Variants in NOX5 observed in about 807,000 individuals in gnomAD.
NOX5 encodes NADPH oxidase, EF-hand calcium binding domain 5.
NOX5 carries 76 observed loss-of-function variants against 85.7 expected under a neutral mutation model. The ratio of observed to expected loss-of-function variants is 0.89; its 90% CI spans 0.74 to 1.07. The LOEUF (loss-of-function observed/expected upper bound fraction) is 1.07, where lower values mean the gene tolerates loss of function less well. Ranked by LOEUF, NOX5 falls within the 50% of genes least tolerant of loss-of-function variation. The pLI, the probability that NOX5 is intolerant of heterozygous loss-of-function variation, is 0.00. For synonymous variants in NOX5, 405 were observed against 401.4 expected (o/e 1.01, Z -0.11); for missense variants, 973 against 999.5 (o/e 0.97, Z 0.36).
intron 1 of NOX5, chr15:69,022,172 A>T (rs2050303254): frequency 1.2e-5 from 2 of 162,340 alleles, no homozygotes. Context: ...GTGAGTAAAT[A>T]GTGAAAGCCA....
intron 7 of NOX5, among the ~76,000 whole-genome samples, chr15:69,036,312 G>A (rs1040606355): frequency 1.3e-5 from 2 of 152,090 alleles, no homozygotes; most frequent in South Asian, 2.1e-4. Flanking sequence ...AAATGGAGGT[G>A]TAATTCTCTA....
chr15:69,038,725 G>T (rs1249690384), intron 8 of NOX5, 132 bp from the exon 9 acceptor site: 5 of 1,275,166 alleles, frequency 3.9e-6, no homozygotes, highest in Non-Finnish European at 5.6e-6. Flanking sequence ...CAGAAGCACA[G>T]AAGAGTGTCA....
Position 69,056,788 on chromosome 15 carries a change from AC to A in NOX5, c.*95del. Reference sequence around the variant, plus strand: ...CCCCCACAGGGACCAGCCTCAGATGACCCACCCAATAAGACAAAGCCTAGGG... The same window carrying A: ...CCCCCACAGGGACCAGCCTCAGATGACCACCCAATAAGACAAAGCCTAGGG... On this transcript the variant is annotated 3_prime_UTR_variant, in exon 16 of 16. Coordinates refer to ENST00000388866, the MANE Select transcript of NOX5 (RefSeq NM_024505.4). The A allele has an allele frequency of 6.7e-7, 1 of 1,497,738 alleles. No homozygotes were observed. The highest frequency in any genetic ancestry group is 9.0e-7 in the Non-Finnish European group (1 of 1,111,498). 92.8% of individuals were successfully genotyped at this position (1,497,738 alleles called of 1,614,324 possible).
intron 9 of NOX5, 144 bp from the exon 10 acceptor site, chr15:69,042,519 T>C: frequency 1.3e-6 from 1 of 789,032 alleles, no homozygotes; most frequent in Admixed American, 2.9e-5. Context: ...TGGCTATGGC[T>C]GCTAGTCTGG....
Position 69,033,119 on chromosome 15 carries a change from C to T in NOX5, c.697C>T (p.His233Tyr). The T allele has an allele frequency of 6.4e-7, 1 of 1,560,216 alleles. No individual in the cohort carries two copies. The highest frequency in any genetic ancestry group is 8.6e-7 in the Non-Finnish European group (1 of 1,159,136). Reference protein sequence around the residue: ...RPRQLTRAYWHNHRSQLFCLA... With the variant: ...RPRQLTRAYWYNHRSQLFCLA... Reference sequence around the variant, plus strand: ...GCGCCAGCTGACCCGCGCCTACTGGCACAACCACCGCAGCCAGCTGTTCTG... The same window carrying T: ...GCGCCAGCTGACCCGCGCCTACTGGTACAACCACCGCAGCCAGCTGTTCTG... The change falls in exon 5 of 16, where the codon CAC (histidine) becomes TAC (tyrosine). Residue 233 changes from histidine (H) to tyrosine (Y), a missense_variant. Physicochemically the swap from His to Tyr is moderately conservative, Grantham distance 83. Transcript: ENST00000388866.
chr15:69,034,577 A>C (rs1337793343), intron 5 of NOX5, among the ~76,000 whole-genome samples: 2 of 152,332 alleles, frequency 1.3e-5, no homozygotes, highest in African/African-American at 4.8e-5. Context: ...GTAACCTACA[A>C]GTCCACATCC....
At chr15:69,022,231 T>A (rs2140247455) in intron 1 of NOX5, 1 of 199,944 alleles carries the variant, frequency 5.0e-6, no homozygotes, top group East Asian at 1.2e-4. Context: ...ACTCTCCAGA[T>A]GTCTTCCAAT....
rs143249052 is a variant in NOX5 at position 69,045,225 on chromosome 15, G to A, written c.1648-1597G>A. ...TGCCTGCTACCTTCCTAACTTTTGC[G>A]TAAGAACTGCCCCAGTAATACTTTC... On this transcript the variant is annotated intron_variant, in intron 10 of 15. Coordinates refer to ENST00000388866, the MANE Select transcript of NOX5 (RefSeq NM_024505.4). 1.9e-3 allele frequency among the ~76,000 whole-genome samples: 290 copies of A among 152,288 alleles called. 4 individuals carry two copies. The highest frequency in any genetic ancestry group is 6.3e-3 in the African/African-American group (262 of 41,560).
rs937060901 is a variant in NOX5, at chr15:69,060,396, T to TTGCC, written c.*3702_*3705dup. 6.6e-5 allele frequency: 10 copies of TTGCC among 152,368 alleles called. No homozygotes were observed. Among genetic ancestry groups the TTGCC allele is most frequent in the African/African-American group, 2.4e-4 (10 of 41,586 alleles). 9.4% of individuals were successfully genotyped at this position (152,368 alleles called of 1,614,324 possible). On this transcript the variant is annotated 3_prime_UTR_variant, in exon 16 of 16. Coordinates refer to ENST00000388866, the MANE Select transcript of NOX5 (RefSeq NM_024505.4). ...GGAGGCAGGGCACTGAGTCCTACAC[T>TTGCC]TGCCTCTGCCACAGTCTGCTGTGTG...
chr15:69,032,111 A>T (rs2050443253), intron 4 of NOX5, among the ~76,000 whole-genome samples: 1 of 152,366 alleles, frequency 6.6e-6, no homozygotes, highest in South Asian at 2.1e-4. Context: ...CTTCGCCTGA[A>T]GTAAGTTGCC....
intron 10 of NOX5, among the ~76,000 whole-genome samples, chr15:69,045,584 TTC>T (rs1369378753): frequency 2.3e-4 from 28 of 121,212 alleles, no homozygotes; most frequent in African/African-American, 6.8e-4. Flanking sequence ...TTTCTTTCTT[TTC>T]TTTCTTTCTT....
chr15:69,053,442 A>C (rs1228513734), intron 14 of NOX5, among the ~76,000 whole-genome samples: 1 of 152,210 alleles, frequency 6.6e-6, no homozygotes, highest in Non-Finnish European at 1.5e-5. Context: ...TTGTAGTAGA[A>C]GTGCTAGTAG....
intron 9 of NOX5, among the ~76,000 whole-genome samples, chr15:69,040,162 C>G (rs575518810): frequency 2.0e-5 from 3 of 152,344 alleles, no homozygotes; most frequent in African/African-American, 7.2e-5. Flanking sequence ...GGGCTGCATA[C>G]CCCCTACCTT....
At chr15:69,056,077 T>C (rs1274136804) in intron 15 of NOX5, among the ~76,000 whole-genome samples, 1 of 152,060 alleles carries the variant, frequency 6.6e-6, no homozygotes, top group Non-Finnish European at 1.5e-5. Flanking sequence ...CAAAGAGGAC[T>C]TTCAGAAAAA....
chr15:69,042,732 C>CA lies in NOX5; in HGVS notation c.1575dup (p.Asp526ArgfsTer8), dbSNP rs1254995479. On this transcript the variant is annotated frameshift_variant, in exon 10 of 16. Coordinates refer to ENST00000388866, the MANE Select transcript of NOX5 (RefSeq NM_024505.4). LOFTEE classifies it high-confidence loss of function. ...AGGCTGTATGAGTCCTTCAAGGCATCAGACCCACTGGGCCGTGGTTCTAAG... is the reference window on the plus strand; with the variant it reads ...AGGCTGTATGAGTCCTTCAAGGCATCAAGACCCACTGGGCCGTGGTTCTAAG... 10 of 1,614,138 alleles carry CA rather than the reference C, an allele frequency of 6.2e-6. No individual in the cohort carries two copies. The highest frequency in any genetic ancestry group is 7.6e-6 in the Non-Finnish European group (9 of 1,180,004).
At chr15:69,047,951 C>G (rs778889756) in intron 13 of NOX5, 40 bp downstream of exon 13, 2 of 1,578,592 alleles carry the variant, frequency 1.3e-6, no homozygotes, top group Admixed American at 1.7e-5. Context: ...CAGACCTTCT[C>G]CCCTGGACAA....
At chr15:69,020,465 A>G (rs186836518) in intron 1 of NOX5, among the ~76,000 whole-genome samples, 32 of 152,242 alleles carry the variant, frequency 2.1e-4, no homozygotes, top group African/African-American at 7.5e-4. Context: ...ATAAAATAGT[A>G]TACTGTAGTT....
chr15:69,023,665 A>G (rs2050321835), intron 1 of NOX5: 1 of 182,744 alleles, frequency 5.5e-6, no homozygotes, highest in Admixed American at 6.2e-5. Flanking sequence ...ACCAAGCATT[A>G]TATTTACCTC....
chr15:69,028,366 G>C lies in NOX5; in HGVS notation c.325+1G>C, dbSNP rs1313799846. The C allele has an allele frequency of 1.9e-6, 3 of 1,594,246 alleles. No homozygotes were observed. The East Asian group carries it at 6.8e-5, about 36-fold the overall frequency. Reference sequence around the variant, plus strand: ...CTCTTCCAGGTGTATGACATCGATGGTAAGGGCTCTTCCTGGGTGTGGGCT... The same window carrying C: ...CTCTTCCAGGTGTATGACATCGATGCTAAGGGCTCTTCCTGGGTGTGGGCT... On this transcript the variant is annotated splice_donor_variant, in intron 3 of 15. Transcript: ENST00000388866. LOFTEE classifies it high-confidence loss of function.
Sources: allele counts gnomAD v4.1 joint callset (sites outside exome capture counted in the v4.1 genomes callset), GRCh38; gene constraint gnomAD v4.1.1; transcripts MANE v1.5; gene names NCBI Gene and HGNC (gene_info 2026-07-23, HGNC 2026-07-21).